Variants in CACNB1 observed in about 807,000 individuals in gnomAD.
CACNB1 encodes voltage-dependent L-type calcium channel subunit beta-1.
CACNB1 carries 29 observed loss-of-function variants against 71.6 expected under a neutral mutation model. The observed-to-expected ratio is 0.40, with a 90% CI of 0.30 to 0.55. The LOEUF (loss-of-function observed/expected upper bound fraction) is 0.55, where lower values mean the gene tolerates loss of function less well. CACNB1 is among the 20% of genes least tolerant of loss of function. CACNB1 has a pLI of 0.38. For missense variants in CACNB1, 623 were observed against 801.8 expected (o/e 0.78, Z 2.69); for synonymous variants, 300 against 319.6 (o/e 0.94, Z 0.65).
At chr17:39,182,905 C>A in intron 11 of CACNB1, 7 of 948,634 alleles carry the variant, frequency 7.4e-6, no homozygotes, top group Non-Finnish European at 8.8e-6. Flanking sequence ...AAGAATAAAT[C>A]AATACGTAAA....
Position 39,178,147 on chromosome 17 carries a change from C to T in CACNB1, c.1051-68G>A, listed in dbSNP as rs148965423. The T allele has an allele frequency of 9.0e-5, 108 of 1,198,490 alleles. No individual in the cohort carries two copies. In the African/African-American group the frequency reaches 1.0e-3, roughly 11 times the overall value. 74.2% of individuals were successfully genotyped at this position (1,198,490 alleles called of 1,614,324 possible). On this transcript the variant is annotated intron_variant, in intron 11 of 13. Coordinates refer to ENST00000394303, the MANE Select transcript of CACNB1 (RefSeq NM_000723.5). The stretch of plus-strand genomic sequence containing the variant: ...CAGGCAATGCACCCAGTCAGAGAGG[C>T]GGGTCCTGGTTGGATCAGCATGGAG...
chr17:39,184,083 G>T lies in CACNB1; in HGVS notation c.846C>A (p.Asn282Lys). 6.2e-7 allele frequency: 1 copy of T among 1,613,804 alleles called. No homozygotes were observed. Among genetic ancestry groups the T allele is most frequent in the Non-Finnish European group, 8.5e-7 (1 of 1,179,816 alleles). The part of the protein sequence containing the change: ...DISLAKRSVL[N>K]NPSKHIIIER... Reference sequence around the variant, plus strand: ...CAATGATGATGTGTTTGCTGGGGTTGTTGAGAACTGAGCGCTTAGCCAGGG... The same window carrying T: ...CAATGATGATGTGTTTGCTGGGGTTTTTGAGAACTGAGCGCTTAGCCAGGG... Residue 282 changes from asparagine (N) to lysine (K), a missense_variant, in exon 10 of 14, where the codon AAC (asparagine) becomes AAA (lysine). Coordinates refer to ENST00000394303, the MANE Select transcript of CACNB1 (RefSeq NM_000723.5).
At chr17:39,184,641 T>C (rs2045884578) in intron 8 of CACNB1, 143 bp downstream of exon 8, 2 of 668,732 alleles carry the variant, frequency 3.0e-6, no homozygotes, top group African/African-American at 1.8e-5. Flanking sequence ...TTTCTGTGGA[T>C]TGGGCCCCCT....
In CACNB1 at chr17:39,175,440, T is replaced by A; in HGVS notation, c.1550A>T (p.Asp517Val). 1 of 1,614,076 alleles carries A rather than the reference T, an allele frequency of 6.2e-7. No individual in the cohort carries two copies. Among genetic ancestry groups the A allele is most frequent in the Non-Finnish European group, 8.5e-7 (1 of 1,179,998 alleles). The change falls in exon 14 of 14, where the codon GAC becomes GTC. Residue 517 changes from aspartate to valine, a missense_variant. Physicochemically the swap from Asp to Val is radical, Grantham distance 152. Coordinates refer to ENST00000394303, the MANE Select transcript of CACNB1 (RefSeq NM_000723.5). The surrounding 1 kb of genome is among the most constrained non-coding windows in gnomAD (Gnocchi z 4.7). ...GTCAGTCTCCATGTCCACACATGAG[T>A]CTCCCAGCTCCGTGTAGGCAGAGTT... Reference protein sequence around the residue: ...SRNSAYTELGDSCVDMETDPS... With the variant: ...SRNSAYTELGVSCVDMETDPS...
chr17:39,178,111 C>T (rs374604610), intron 11 of CACNB1, 32 bp from the exon 12 acceptor site: 1 of 1,537,058 alleles, frequency 6.5e-7, no homozygotes, highest in African/African-American at 1.4e-5. Flanking sequence ...GGAAGAGGAG[C>T]TAGAGGGACT....
intron 3 of CACNB1, among the ~76,000 whole-genome samples, chr17:39,191,216 A>C (rs907036348): frequency 5.3e-5 from 8 of 152,186 alleles, no homozygotes; most frequent in Admixed American, 2.0e-4. Context: ...AAAACAAAAA[A>C]AAGAAATTTT....
chr17:39,177,143 C>T, intron 13 of CACNB1: 1 of 1,429,228 alleles, frequency 7.0e-7, no homozygotes, highest in Non-Finnish European at 9.1e-7. Flanking sequence ...AGCTGCCGCT[C>T]ATCTTATTTT....
chr17:39,194,973 G>T lies in CACNB1; in HGVS notation c.85-3C>A. 6.2e-7 allele frequency: 1 copy of T among 1,604,866 alleles called. No homozygotes were observed. Among genetic ancestry groups the T allele is most frequent in the African/African-American group, 1.3e-5 (1 of 74,806 alleles). On this transcript the variant is annotated splice_polypyrimidine_tract_variant and splice_region_variant and intron_variant, in intron 1 of 13. Transcript: ENST00000394303. The surrounding 1 kb of genome is among the most constrained non-coding windows in gnomAD (Gnocchi z 4.6). ...CCTTTCCTCTTGCTGTATTTGCCCT[G>T]AAGAGGCCAGGAAAGGAACAAGAGT...
intron 12 of CACNB1, among the ~76,000 whole-genome samples, 160 bp downstream of exon 12, chr17:39,177,824 C>A (rs2045625921): frequency 6.6e-6 from 1 of 152,138 alleles, no homozygotes; most frequent in Non-Finnish European, 1.5e-5. Flanking sequence ...TGAACCCAGT[C>A]TTTGACTGAC....
In CACNB1 at chr17:39,177,550, T is replaced by C. The variant is rs1385043418; in HGVS notation, c.1147-15A>G. On this transcript the variant is annotated splice_polypyrimidine_tract_variant and intron_variant, in intron 12 of 13. Transcript: ENST00000394303. ...TCAAACATTTCCTGTGAAGGCGGGGTTAGGGGGCAGGGCTGGGATGAGTGG... is the reference window on the plus strand; with the variant it reads ...TCAAACATTTCCTGTGAAGGCGGGGCTAGGGGGCAGGGCTGGGATGAGTGG... 1.3e-6 allele frequency: 2 copies of C among 1,566,510 alleles called. No homozygotes were observed. Among genetic ancestry groups the C allele is most frequent in the Non-Finnish European group, 1.7e-6 (2 of 1,154,032 alleles).
chr17:39,177,626 A>C (rs2144084905), intron 12 of CACNB1, 91 bp from the exon 13 acceptor site: 1 of 970,402 alleles, frequency 1.0e-6, no homozygotes, highest in Admixed American at 2.5e-5. Flanking sequence ...GGGTAGAGTC[A>C]AGGGATTGAA....
chr17:39,197,161 T>C (rs1160883057), intron 1 of CACNB1, among the ~76,000 whole-genome samples: 2 of 152,022 alleles, frequency 1.3e-5, no homozygotes, highest in Non-Finnish European at 2.9e-5. Context: ...GGCAGGAACC[T>C]TGACGCGGGG....
chr17:39,175,106 A>C lies in CACNB1; in HGVS notation c.*87T>G. 3 of 1,087,742 alleles carry C rather than the reference A, an allele frequency of 2.8e-6. No homozygotes were observed. Among genetic ancestry groups the C allele is most frequent in the Non-Finnish European group, 4.0e-6 (3 of 743,520 alleles). The allele number at this position is 1,087,742 out of a possible 1,614,324, so 67.4% of individuals were successfully genotyped here. On this transcript the variant is annotated 3_prime_UTR_variant, in exon 14 of 14. Coordinates refer to ENST00000394303, the MANE Select transcript of CACNB1 (RefSeq NM_000723.5). The surrounding 1 kb of genome is among the most constrained non-coding windows in gnomAD (Gnocchi z 4.7). The stretch of plus-strand genomic sequence containing the variant: ...AAAGGAGGGAGACAGCGCCCCCTGG[A>C]GGCGAATACATGTCAGGTGTGAGCC...
intron 11 of CACNB1, among the ~76,000 whole-genome samples, chr17:39,179,392 T>C (rs563091033): frequency 7.1e-6 from 1 of 141,662 alleles, no homozygotes; most frequent in East Asian, 2.4e-4. Flanking sequence ...ATCAAGACCA[T>C]CCTGGCCAAC....
rs2045540500 is a variant in CACNB1, at chr17:39,175,043, A to C, written c.*150T>G. On this transcript the variant is annotated 3_prime_UTR_variant, in exon 14 of 14. Transcript: ENST00000394303. This position sits in a 1 kb window ranked among gnomAD's most constrained non-coding sequence, Gnocchi z 4.7. ...GGGCCTCCCGGGAGCTGGGATGGTA[A>C]CACCAAAGAAACCCCAAGCTTTGAG... 2 of 691,044 alleles carry C rather than the reference A, an allele frequency of 2.9e-6. No homozygotes were observed. The highest frequency in any genetic ancestry group is 4.9e-6 in the Non-Finnish European group (2 of 412,354). The allele number at this position is 691,044 out of a possible 1,614,324, so 42.8% of individuals were successfully genotyped here.
In CACNB1 at chr17:39,184,019, G is replaced by A. The variant is rs1301509376; in HGVS notation, c.898+12C>T. On this transcript the variant is annotated intron_variant, in intron 10 of 13. Coordinates refer to ENST00000394303, the MANE Select transcript of CACNB1 (RefSeq NM_000723.5). The stretch of plus-strand genomic sequence containing the variant: ...CAGAAAGGGGGAGTGAAGACAGCAG[G>A]AGTAGGCTCACCCAGGCTGGAGCGT... 1.9e-6 allele frequency: 3 copies of A among 1,597,854 alleles called. No individual in the cohort carries two copies.
chr17:39,186,622 G>A lies in CACNB1; in HGVS notation c.552-50C>T, dbSNP rs754567799. ...CTTGTGAGCAAAGAGGTGGGCGTGG[G>A]GGGCTCTCATCCTCTCACATGCGGC... On this transcript the variant is annotated intron_variant, in intron 5 of 13. Coordinates refer to ENST00000394303, the MANE Select transcript of CACNB1 (RefSeq NM_000723.5). The surrounding 1 kb of genome is among the most constrained non-coding windows in gnomAD (Gnocchi z 4.1). The A allele has an allele frequency of 4.5e-6, 7 of 1,557,740 alleles. No homozygotes were observed. Among genetic ancestry groups the A allele is most frequent in the South Asian group, 3.4e-5 (3 of 88,260 alleles).
intron 4 of CACNB1, 112 bp downstream of exon 4, chr17:39,187,367 T>C (rs2045967163): frequency 2.4e-6 from 3 of 1,236,062 alleles, no homozygotes; most frequent in Non-Finnish European, 3.5e-6. Context: ...TTGTCTAAGG[T>C]CACACAGCAG....
chr17:39,180,449 G>A (rs1019894230), intron 11 of CACNB1, among the ~76,000 whole-genome samples: 7 of 151,942 alleles, frequency 4.6e-5, no homozygotes, highest in African/African-American at 7.2e-5. Flanking sequence ...GAGGTCGGGA[G>A]TTCGAGACCA....
Sources: allele counts gnomAD v4.1 joint callset (sites outside exome capture counted in the v4.1 genomes callset), GRCh38; gene constraint gnomAD v4.1.1; non-coding constraint Gnocchi (gnomAD v3.1); transcripts MANE v1.5; gene names NCBI Gene and HGNC (gene_info 2026-07-23, HGNC 2026-07-21).